VPS35: variants seen among roughly 807,000 people sequenced by gnomAD.
The protein encoded by VPS35 is VPS35 retromer complex component, also known as vacuolar protein sorting-associated protein 35.
In VPS35, 21 loss-of-function variants were observed where a neutral mutation model predicts 98.1. The observed-to-expected ratio is 0.21, with a 90% CI of 0.15 to 0.31. VPS35 has a LOEUF of 0.31. VPS35 is among the 10% of genes least tolerant of loss of function. The pLI is 1.00. For missense variants in VPS35, 554 were observed against 950.8 expected (o/e 0.58, Z 5.49); for synonymous variants, 268 against 318.2 (o/e 0.84, Z 1.68).
In VPS35 at chr16:46,677,308, C is replaced by G. The variant is rs1233801329; in HGVS notation, c.804+7G>C. 1.2e-6 allele frequency: 2 copies of G among 1,612,270 alleles called. No homozygotes were observed. The highest frequency in any genetic ancestry group is 1.7e-4 in the Middle Eastern group (1 of 6,060). ...CGTTTAAAAAAAAATGAAATGTTCCCAGCTACCTGAATAATACACTCCATG... is the reference window on the plus strand; with the variant it reads ...CGTTTAAAAAAAAATGAAATGTTCCGAGCTACCTGAATAATACACTCCATG... On this transcript the variant is annotated splice_region_variant and intron_variant, in intron 7 of 16. Coordinates refer to ENST00000299138, the MANE Select transcript of VPS35 (RefSeq NM_018206.6).
In VPS35 at chr16:46,663,027, C is replaced by T. The variant is rs201566773; in HGVS notation, c.1783G>A (p.Gly595Ser). The T allele has an allele frequency of 6.2e-7, 1 of 1,614,204 alleles. No individual in the cohort carries two copies. Among genetic ancestry groups the T allele is most frequent in the Non-Finnish European group, 8.5e-7 (1 of 1,180,046 alleles). ...LQGALAAGEI[G>S]FENHETVAYE... is the part of the protein sequence containing the mutation. ...GCGACTGTCTCATGATTTTCAAAAC[C>T]AATTTCCCCAGCAGCTAGTGCTCCT... The change falls in exon 14 of 17, where the codon GGT (glycine) becomes AGT (serine). Residue 595 changes from glycine (G) to serine (S), a missense_variant. By Grantham distance (56) the Gly-to-Ser change is moderately conservative. Transcript: ENST00000299138.
chr16:46,680,292 G>C (rs2143008634), intron 5 of VPS35, among the ~76,000 whole-genome samples: 1 of 152,268 alleles, frequency 6.6e-6, no homozygotes, highest in South Asian at 2.1e-4. Context: ...TATAAAAACT[G>C]ATAGACACTA....
At chr16:46,662,141 T>C in intron 15 of VPS35, 102 bp downstream of exon 15, 1 of 1,598,784 alleles carries the variant, frequency 6.3e-7, no homozygotes, top group South Asian at 1.1e-5. Flanking sequence ...GTTCATCAGA[T>C]TTCCAAGCAC....
At position 46,659,557 on chromosome 16, in the gene VPS35, T is replaced by C. The variant is rs896871563; in HGVS notation, c.*915A>G. ...GATGCTGCCTTGTTCAACAAGTGCT[T>C]AAAACTAGAGTTAAGTGAGCTCTGT... On this transcript the variant is annotated 3_prime_UTR_variant, in exon 17 of 17. Transcript: ENST00000299138. 6.6e-6 allele frequency: 1 copy of C among 152,178 alleles called. No individual in the cohort carries two copies. Among genetic ancestry groups the C allele is most frequent in the Non-Finnish European group, 1.5e-5 (1 of 68,030 alleles). The allele number at this position is 152,178 out of a possible 1,614,324, so 9.4% of individuals were successfully genotyped here. A position where few individuals can be genotyped will look rare whatever the true frequency, so the allele number is the denominator to read the frequency against.
intron 10 of VPS35, 94 bp from the exon 11 acceptor site, chr16:46,672,566 A>G: frequency 5.4e-6 from 6 of 1,119,890 alleles, no homozygotes; most frequent in Non-Finnish European, 8.0e-6. Flanking sequence ...ATTTTTCATT[A>G]CACATTAAAG....
chr16:46,667,694 T>C (rs1966009756), intron 13 of VPS35, among the ~76,000 whole-genome samples: 1 of 152,202 alleles, frequency 6.6e-6, no homozygotes, highest in South Asian at 2.1e-4. Context: ...TTCATTATTA[T>C]ATATGGCATA....
In VPS35 at chr16:46,658,936, T is replaced by A. The variant is rs999589398; in HGVS notation, c.*1536A>T. 1 of 152,212 alleles carries A rather than the reference T, an allele frequency of 6.6e-6. No individual in the cohort carries two copies. 9.4% of individuals were successfully genotyped at this position (152,212 alleles called of 1,614,324 possible). A position where few individuals can be genotyped will look rare whatever the true frequency, so the allele number is the denominator to read the frequency against. ...AGGTGGAGCTTAATTCTCCTTACCC[T>A]TGAATATAGGCTAGACTTAGTGACT... is the stretch of plus-strand genomic sequence containing the variant. On this transcript the variant is annotated 3_prime_UTR_variant, in exon 17 of 17. Coordinates refer to ENST00000299138, the MANE Select transcript of VPS35 (RefSeq NM_018206.6).
At chr16:46,681,601 GT>G in intron 3 of VPS35, 101 bp from the exon 4 acceptor site, 7 of 1,368,254 alleles carry the variant, frequency 5.1e-6, no homozygotes, top group Non-Finnish European at 7.2e-6. Context: ...GACATCTTAA[GT>G]TTTAGTCCTT....
At chr16:46,664,210 T>G (rs1191195804) in intron 13 of VPS35, among the ~76,000 whole-genome samples, 1 of 152,086 alleles carries the variant, frequency 6.6e-6, no homozygotes, top group African/African-American at 2.4e-5. Context: ...TTTTCTTTTT[T>G]CTCTTTGGTG....
chr16:46,663,187 G>A (rs1260716217), intron 13 of VPS35, 25 bp from the exon 14 acceptor site: 4 of 1,597,632 alleles, frequency 2.5e-6, no homozygotes, highest in Non-Finnish European at 3.4e-6. Flanking sequence ...AACATTTTAA[G>A]TTACCTTAAA....
chr16:46,665,816 G>T (rs1156642161), intron 13 of VPS35, among the ~76,000 whole-genome samples: 1 of 151,914 alleles, frequency 6.6e-6, no homozygotes, highest in African/African-American at 2.4e-5. Context: ...TTAGTGACTG[G>T]GTCTCCCTCT....
chr16:46,686,800 G>C (rs1262133747), intron 1 of VPS35, among the ~76,000 whole-genome samples: 1 of 152,168 alleles, frequency 6.6e-6, no homozygotes, highest in Non-Finnish European at 1.5e-5. Context: ...TGAATCAGAA[G>C]AAAATGGAAA....
At chr16:46,679,225 T>C in intron 5 of VPS35, 69 bp from the exon 6 acceptor site, 1 of 1,361,136 alleles carries the variant, frequency 7.3e-7, no homozygotes, top group Non-Finnish European at 1.0e-6. Flanking sequence ...TTCTCCTTTG[T>C]GTATTTCCTA....
Position 46,689,125 on chromosome 16 carries a change from A to G in VPS35, c.3+6T>C. ...ACCCAGGTGCCACTGCCCCCTCAGC[A>G]CTCACCATGGCGACTCCCCAGAGCC... On this transcript the variant is annotated splice_donor_region_variant and intron_variant, in intron 1 of 16. Coordinates refer to ENST00000299138, the MANE Select transcript of VPS35 (RefSeq NM_018206.6). 1 of 1,608,452 alleles carries G rather than the reference A, an allele frequency of 6.2e-7. No individual in the cohort carries two copies.
intron 15 of VPS35, among the ~76,000 whole-genome samples, 187 bp from the exon 16 acceptor site, chr16:46,662,048 G>A (rs1274845459): frequency 6.6e-6 from 1 of 152,056 alleles, no homozygotes; most frequent in Non-Finnish European, 1.5e-5. Flanking sequence ...GTAGTGGTTT[G>A]AACTTGCTAT....
chr16:46,680,066 T>G (rs1332045542), intron 5 of VPS35, among the ~76,000 whole-genome samples: 1 of 152,182 alleles, frequency 6.6e-6, no homozygotes, highest in Admixed American at 6.5e-5. Flanking sequence ...GGACCTGTCA[T>G]GTGAACAGCT....
Position 46,661,500 on chromosome 16 carries a change from G to A in VPS35, c.2211+218C>T, listed in dbSNP as rs1965914274. On this transcript the variant is annotated intron_variant, in intron 16 of 16. Transcript: ENST00000299138. The surrounding 1 kb of genome is among the most constrained non-coding windows in gnomAD (Gnocchi z 4.3). ...CTGCCTCAGCCTCCCAAAGTGCTGG[G>A]ATTACAGGCATGAGCCACCACGCCC... 2.2e-6 allele frequency: 1 copy of A among 453,984 alleles called. No individual in the cohort carries two copies. Among genetic ancestry groups the A allele is most frequent in the Non-Finnish European group, 3.9e-6 (1 of 254,218 alleles). The allele number at this position is 453,984 out of a possible 1,614,324, so 28.1% of individuals were successfully genotyped here.
chr16:46,672,324 T>C lies in VPS35; in HGVS notation c.1309A>G (p.Ser437Gly). 6.2e-7 allele frequency: 1 copy of C among 1,613,792 alleles called. No homozygotes were observed. Among genetic ancestry groups the C allele is most frequent in the Non-Finnish European group, 8.5e-7 (1 of 1,179,860 alleles). The change falls in exon 11 of 17, where the codon AGT becomes GGT. Residue 437 changes from serine (S) to glycine (G), a missense_variant. Around this residue, in one of 5 missense-constraint regions of VPS35, gnomAD observed 254 missense variants for 390.1 expected, o/e 0.65. Transcript: ENST00000299138. ...YFDYESRKSM[S>G]CYVLSNVLDY... Reference sequence around the variant, plus strand: ...AGAACATTACTAAGCACATAACAACTCATGCTCTTTCTGGACTCGTAGTCA... The same window carrying C: ...AGAACATTACTAAGCACATAACAACCCATGCTCTTTCTGGACTCGTAGTCA...
intron 12 of VPS35, 101 bp downstream of exon 12, chr16:46,671,604 A>G: frequency 6.6e-7 from 1 of 1,523,316 alleles, no homozygotes; most frequent in South Asian, 1.2e-5. Flanking sequence ...AATTCCTTCA[A>G]AACCATCTAA....
Sources: allele counts gnomAD v4.1 joint callset (sites outside exome capture counted in the v4.1 genomes callset), GRCh38; gene constraint gnomAD v4.1.1; regional missense constraint gnomAD v4.1.1; non-coding constraint Gnocchi (gnomAD v3.1); transcripts MANE v1.5; gene names NCBI Gene and HGNC (gene_info 2026-07-23, HGNC 2026-07-21).